Variants in CCDC181 observed in about 807,000 individuals in gnomAD.
CCDC181 encodes the protein coiled-coil domain-containing protein 181.
A neutral mutation model predicts 58.7 loss-of-function variants in CCDC181; 35 were observed. That is an observed-to-expected ratio of 0.60 (90% CI 0.46 to 0.79). The LOEUF is 0.79. CCDC181 is among the 30% of genes least tolerant of loss of function. The probability of loss-of-function intolerance (pLI) is 0.00; values close to 1 mark genes in which losing one functional copy is unlikely to be tolerated. For missense variants in CCDC181, 517 were observed against 583.9 expected (o/e 0.89, Z 1.18); for synonymous variants, 183 against 197.5 (o/e 0.93, Z 0.62).
At chr1:169,439,623 C>T (rs1043812865) in intron 2 of CCDC181, among the ~76,000 whole-genome samples, 1 of 152,078 alleles carries the variant, frequency 6.6e-6, no homozygotes, top group African/African-American at 2.4e-5. Context: ...TTAGCAGTTG[C>T]CATCCACAGA....
Position 169,404,200 on chromosome 1 carries a change from C to G in CCDC181, c.1216-6809G>C, listed in dbSNP as rs1557860768. Among the ~76,000 whole-genome samples the G allele has an allele frequency of 3.3e-5, 5 of 152,118 alleles. 1 individual carries two copies. Among genetic ancestry groups the G allele is most frequent in the Non-Finnish European group, 7.4e-5 (5 of 68,010 alleles). On this transcript the variant is annotated intron_variant, in intron 4 of 5. Coordinates refer to ENST00000367806, the MANE Select transcript of CCDC181 (RefSeq NM_001300969.2). Reference sequence around the variant, plus strand: ...CTACCAACCAAAAAAAGTCCAGGACCAGACAGATTCACAGCCAAATTCTAC... The same window carrying G: ...CTACCAACCAAAAAAAGTCCAGGACGAGACAGATTCACAGCCAAATTCTAC...
chr1:169,447,526 T>C (rs542726452), intron 2 of CCDC181, among the ~76,000 whole-genome samples: 2 of 152,296 alleles, frequency 1.3e-5, no homozygotes, highest in East Asian at 1.9e-4. Flanking sequence ...TAAATTTCAA[T>C]TACATCAAGT....
chr1:169,402,568 T>C (rs1350887552), intron 4 of CCDC181, among the ~76,000 whole-genome samples: 1 of 152,034 alleles, frequency 6.6e-6, no homozygotes, highest in Admixed American at 6.6e-5. Flanking sequence ...GCTTCATAAG[T>C]GAAGGAGAAA....
intron 4 of CCDC181, among the ~76,000 whole-genome samples, chr1:169,417,058 C>T (rs1656247432): frequency 6.6e-6 from 1 of 152,154 alleles, no homozygotes; most frequent in Non-Finnish European, 1.5e-5. Flanking sequence ...TTTTCCTTCT[C>T]ATTCACACTC....
chr1:169,422,016 G>A lies in CCDC181; in HGVS notation c.415C>T (p.Gln139Ter), dbSNP rs774591883. 3.1e-6 allele frequency: 5 copies of A among 1,613,936 alleles called. No homozygotes were observed. In the Admixed American group the frequency reaches 6.7e-5, roughly 22 times the overall value. Residue 139 changes from glutamine (Q) to a stop codon, truncating the protein, a stop_gained, in exon 3 of 6, where the codon CAG (glutamine) becomes TAG (stop). Transcript: ENST00000367806. LOFTEE classifies it high-confidence loss of function. Reference protein sequence around the residue: ...EKIVQANKLLQNQEPVNDKRE... With the variant: ...EKIVQANKLL ...TTATCATTCACCGGTTCTTGATTCT[G>A]TAGAAGCTTGTTAGCTTGTACAATT... is the stretch of plus-strand genomic sequence containing the variant.
intron 4 of CCDC181, among the ~76,000 whole-genome samples, chr1:169,416,908 A>G (rs573862700): frequency 6.6e-6 from 1 of 152,340 alleles, no homozygotes; most frequent in East Asian, 1.9e-4. Context: ...AGGAAAATAT[A>G]TAACATATAT....
chr1:169,431,677 A>G (rs552016375), upstream of CCDC181, among the ~76,000 whole-genome samples: 3 of 152,144 alleles, frequency 2.0e-5, no homozygotes, highest in East Asian at 5.8e-4. Flanking sequence ...CATCTACCCA[A>G]CCCCAAACCC....
intron 2 of CCDC181, among the ~76,000 whole-genome samples, chr1:169,457,982 T>G (rs1391367088): frequency 6.6e-6 from 1 of 152,132 alleles, no homozygotes; most frequent in Non-Finnish European, 1.5e-5. Context: ...TATTGATAGA[T>G]TCTTTTGTGT....
chr1:169,457,188 T>C (rs993187363), intron 2 of CCDC181, among the ~76,000 whole-genome samples: 1 of 152,170 alleles, frequency 6.6e-6, no homozygotes, highest in Non-Finnish European at 1.5e-5. Context: ...TTGTCCTAAG[T>C]TAATTGTAAT....
chr1:169,455,562 G>T (rs1284022545), intron 2 of CCDC181, among the ~76,000 whole-genome samples: 1 of 152,064 alleles, frequency 6.6e-6, no homozygotes, highest in East Asian at 1.9e-4. Flanking sequence ...AATTCTATTT[G>T]TTTTTAAAGC....
chr1:169,397,197 G>A (rs1655094176), intron 5 of CCDC181, 40 bp downstream of exon 5: 1 of 1,478,358 alleles, frequency 6.8e-7, no homozygotes, highest in Non-Finnish European at 9.0e-7. Context: ...AAATGAACAT[G>A]AGGAAGGAGG....
chr1:169,400,861 C>G (rs534189726), intron 4 of CCDC181, among the ~76,000 whole-genome samples: 1 of 152,110 alleles, frequency 6.6e-6, no homozygotes, highest in Non-Finnish European at 1.5e-5. Context: ...ATCGCCTCAC[C>G]CAGGAAGCAC....
At chr1:169,425,095 T>C (rs1557872747) in intron 1 of CCDC181, 145 bp from the exon 2 acceptor site, 2 of 419,566 alleles carry the variant, frequency 4.8e-6, no homozygotes, top group African/African-American at 2.0e-5. Flanking sequence ...GAATACACCA[T>C]GAAAGAGAGA....
At chr1:169,447,672 C>T (rs550197522) in intron 2 of CCDC181, among the ~76,000 whole-genome samples, 6 of 152,232 alleles carry the variant, frequency 3.9e-5, no homozygotes, top group South Asian at 2.1e-4. Context: ...ATATGTCTCA[C>T]GTAATTTAAC....
chr1:169,453,457 T>G (rs1436050768), intron 2 of CCDC181, among the ~76,000 whole-genome samples: 4 of 152,108 alleles, frequency 2.6e-5, no homozygotes, highest in Non-Finnish European at 5.9e-5. Flanking sequence ...CCTAGTCTAA[T>G]ATACAAATAT....
intron 4 of CCDC181, among the ~76,000 whole-genome samples, chr1:169,415,957 A>G (rs914058620): frequency 3.3e-5 from 5 of 152,164 alleles, no homozygotes; most frequent in African/African-American, 4.8e-5. Context: ...TTCTCCAACT[A>G]ATCTTCAATA....
chr1:169,448,703 A>G (rs532649483), intron 2 of CCDC181, among the ~76,000 whole-genome samples: 22 of 152,072 alleles, frequency 1.4e-4, no homozygotes, highest in Non-Finnish European at 2.2e-4. Context: ...TTTCCTGTCT[A>G]TAATTAATTC....
chr1:169,439,621 T>TG (rs1283212751), intron 2 of CCDC181, among the ~76,000 whole-genome samples: 2 of 152,130 alleles, frequency 1.3e-5, no homozygotes, highest in African/African-American at 4.8e-5. Context: ...TTTTAGCAGT[T>TG]GCCATCCACA....
chr1:169,422,321 CAA>C lies in CCDC181; in HGVS notation c.118-10_118-9del, dbSNP rs771888375. The C allele has an allele frequency of 6.6e-7, 1 of 1,509,204 alleles. No homozygotes were observed. Among genetic ancestry groups the C allele is most frequent in the Non-Finnish European group, 8.9e-7 (1 of 1,120,278 alleles). The allele number at this position is 1,509,204 out of a possible 1,614,324, so 93.5% of individuals were successfully genotyped here. On this transcript the variant is annotated splice_polypyrimidine_tract_variant and intron_variant, in intron 2 of 5. Transcript: ENST00000367806. ...TTCCTTCTCACAAGCCATCTAAAAA[CAA>C]GATATTTTTCAGTCAAAATTGAGAT...
Sources: gnomAD v4.1 joint callset for allele counts (sites outside exome capture counted in the v4.1 genomes callset) on GRCh38, gnomAD v4.1.1 for gene constraint, MANE v1.5 for transcripts, NCBI Gene and HGNC (gene_info 2026-07-23, HGNC 2026-07-21) for gene names.